GRID2: variants seen among roughly 807,000 people sequenced by gnomAD.
The protein encoded by GRID2 is glutamate ionotropic receptor delta type subunit 2, also known as glutamate receptor ionotropic, delta-2.
GRID2 carries 33 observed loss-of-function variants against 114.8 expected under a neutral mutation model. That is an observed-to-expected ratio of 0.29 (90% CI 0.22 to 0.38). The LOEUF (loss-of-function observed/expected upper bound fraction) is 0.38, where lower values mean the gene tolerates loss of function less well. Ranked by LOEUF, GRID2 falls within the 10% of genes least tolerant of loss-of-function variation. The pLI is 1.00. For missense variants in GRID2, 1,184 were observed against 1,257.7 expected, an observed-to-expected ratio of 0.94 and a Z score of 0.89; for synonymous variants, 505 against 449.9, an observed-to-expected ratio of 1.12 and a Z score of -1.55.
At chr4:93,766,923 C>A (rs572539097) in intron 14 of GRID2, among the ~76,000 whole-genome samples, 7 of 152,276 alleles carry the variant, frequency 4.6e-5, no homozygotes, top group Admixed American at 2.0e-4. Flanking sequence ...TCTTGCATAA[C>A]TGAAGCTTTA....
chr4:92,827,155 T>G (rs1329361559), intron 2 of GRID2, among the ~76,000 whole-genome samples: 1 of 152,052 alleles, frequency 6.6e-6, no homozygotes, highest in Non-Finnish European at 1.5e-5. Context: ...TTATCCTCTA[T>G]TAAGTCAAAT....
At chr4:93,696,646 ACT>A (rs1011936429) in intron 14 of GRID2, among the ~76,000 whole-genome samples, 1 of 152,174 alleles carries the variant, frequency 6.6e-6, no homozygotes, top group Non-Finnish European at 1.5e-5. Context: ...ATTAGCGAAA[ACT>A]CTCAAATAAT....
chr4:92,567,948 A>T (rs1466666679), intron 1 of GRID2, among the ~76,000 whole-genome samples: 1 of 152,022 alleles, frequency 6.6e-6, no homozygotes, highest in Non-Finnish European at 1.5e-5. Context: ...TAAACAAGAG[A>T]TATATAGTTA....
intron 4 of GRID2, among the ~76,000 whole-genome samples, chr4:93,118,403 G>A (rs975217172): frequency 3.3e-5 from 5 of 152,190 alleles, no homozygotes; most frequent in South Asian, 4.1e-4. Flanking sequence ...GATAAGGGAC[G>A]TTTAAGACCA....
chr4:93,805,409 A>T (rs534235581), intron 1 of GRID2, among the ~76,000 whole-genome samples: 1 of 152,346 alleles, frequency 6.6e-6, no homozygotes, highest in South Asian at 2.1e-4. Context: ...AGACCTTACT[A>T]TGGGAATTCT....
intron 1 of GRID2, among the ~76,000 whole-genome samples, chr4:92,539,429 T>C (rs568152836): frequency 5.6e-4 from 86 of 152,258 alleles, no homozygotes; most frequent in African/African-American, 1.9e-3. Context: ...GGTAGAAATA[T>C]AATTTTTCTT....
intron 8 of GRID2, among the ~76,000 whole-genome samples, chr4:93,390,061 C>A (rs1037682369): frequency 5.3e-5 from 8 of 152,160 alleles, no homozygotes; most frequent in African/African-American, 1.9e-4. Context: ...AGTGTTGGGA[C>A]TACAGGCGTG....
intron 2 of GRID2, among the ~76,000 whole-genome samples, chr4:92,723,236 A>G (rs1240020591): frequency 6.6e-6 from 1 of 152,072 alleles, no homozygotes. Flanking sequence ...TATTGATTAA[A>G]TTGGAATTTA....
chr4:93,481,036 C>T (rs1725814222), intron 11 of GRID2, among the ~76,000 whole-genome samples: 1 of 151,986 alleles, frequency 6.6e-6, no homozygotes, highest in Non-Finnish European at 1.5e-5. Context: ...CACATTAAAT[C>T]CCAAATCTGA....
intron 10 of GRID2, among the ~76,000 whole-genome samples, chr4:93,432,921 T>A (rs977850334): frequency 1.3e-5 from 2 of 151,984 alleles, no homozygotes; most frequent in East Asian, 1.9e-4. Context: ...TTAAAAAAAA[T>A]TAGCTAGACA....
At position 92,822,750 on chromosome 4, in the gene GRID2, T is replaced by TCCAGGGCATG. The variant is rs543784712; in HGVS notation, c.244+232466_244+232475dup. ...GTCATAGACAAAGTGGAAATGACCC[T>TCCAGGGCATG]CCAGGGCATGCTGTGGGATGCCATA... On this transcript the variant is annotated intron_variant, in intron 2 of 15. Transcript: ENST00000282020. 8.3e-3 allele frequency: 1,333 copies of TCCAGGGCATG among 160,306 alleles called. 9 individuals carry two copies. The highest frequency in any genetic ancestry group is 0.012 in the Non-Finnish European group (913 of 73,474). The allele number at this position is 160,306 out of a possible 1,614,324, so 9.9% of individuals were successfully genotyped here.
At chr4:92,485,068 T>G (rs552486768) in intron 1 of GRID2, among the ~76,000 whole-genome samples, 4 of 151,464 alleles carry the variant, frequency 2.6e-5, no homozygotes, top group South Asian at 4.1e-4. Flanking sequence ...TTGTTATTTT[T>G]ATAATTTTAA....
At chr4:93,246,515 A>G (rs972539585) in intron 8 of GRID2, among the ~76,000 whole-genome samples, 2 of 151,222 alleles carry the variant, frequency 1.3e-5, no homozygotes, top group African/African-American at 4.9e-5. Context: ...TGAACCTGGG[A>G]GGCAGAGCTT....
chr4:93,217,861 GAAGT>G (rs1435105139), intron 6 of GRID2, among the ~76,000 whole-genome samples: 2 of 151,872 alleles, frequency 1.3e-5, no homozygotes, highest in East Asian at 3.9e-4. Context: ...GCCAATCTTA[GAAGT>G]AAGCAAAACC....
chr4:93,455,567 G>A, intron 10 of GRID2, 95 bp from the exon 11 acceptor site: 2 of 709,754 alleles, frequency 2.8e-6, no homozygotes, highest in South Asian at 1.8e-5. Context: ...ATTGCCTGAG[G>A]CATCTATTTT....
rs1475994699 is a variant in GRID2 at position 92,989,135 on chromosome 4, G to A, written c.245-95860G>A. On this transcript the variant is annotated intron_variant, in intron 2 of 15. Transcript: ENST00000282020. Reference sequence around the variant, plus strand: ...TACTAAAAATACAAAAAATTAGCCGGGTGTGGTGGCACACGCCTGTAGTCC... The same window carrying A: ...TACTAAAAATACAAAAAATTAGCCGAGTGTGGTGGCACACGCCTGTAGTCC... Among the ~76,000 whole-genome samples the A allele has an allele frequency of 4.0e-5, 6 of 151,556 alleles. 1 individual carries two copies. In the East Asian group the frequency reaches 7.8e-4, roughly 20 times the overall value.
chr4:92,914,577 C>T (rs1227623534), intron 2 of GRID2, among the ~76,000 whole-genome samples: 6 of 152,170 alleles, frequency 3.9e-5, no homozygotes, highest in Admixed American at 6.6e-5. Context: ...TCCCACCCAC[C>T]GCATTCTGAT....
intron 13 of GRID2, among the ~76,000 whole-genome samples, chr4:93,621,173 A>T (rs1742187168): frequency 6.6e-6 from 1 of 152,144 alleles, no homozygotes; most frequent in South Asian, 2.1e-4. Context: ...TAGAAATGGG[A>T]ACAAAACCTA....
At chr4:93,714,466 T>G (rs975878834) in intron 14 of GRID2, among the ~76,000 whole-genome samples, 3 of 152,202 alleles carry the variant, frequency 2.0e-5, no homozygotes, top group Admixed American at 6.5e-5. Context: ...AGCAGTGAGA[T>G]TGCTGGGTCA....
Sources: gnomAD v4.1 joint callset for allele counts (sites outside exome capture counted in the v4.1 genomes callset) on GRCh38, gnomAD v4.1.1 for gene constraint, MANE v1.5 for transcripts, NCBI Gene and HGNC (gene_info 2026-07-23, HGNC 2026-07-21) for gene names.